Variants in FBLN5 observed in about 807,000 individuals in gnomAD.
The protein encoded by FBLN5 is fibulin 5.
Under a neutral mutation model 61.6 loss-of-function variants are expected in FBLN5, and 24 were observed. The observed-to-expected ratio is 0.39, with a 90% CI of 0.28 to 0.55. The LOEUF is 0.55. FBLN5 is among the 20% of genes least tolerant of loss of function. The pLI is 0.65. For synonymous variants in FBLN5, 213 were observed against 219.8 expected, an observed-to-expected ratio of 0.97 and a Z score of 0.27; for missense variants, 470 against 594.1, an observed-to-expected ratio of 0.79 and a Z score of 2.17.
intron 10 of FBLN5, among the ~76,000 whole-genome samples, chr14:91,871,001 C>A (rs143598317): frequency 6.6e-6 from 1 of 152,162 alleles, no homozygotes; most frequent in East Asian, 1.9e-4. Context: ...CCAGGGCCTG[C>A]TTCAGGGTGG....
chr14:91,898,900 C>G (rs1459555158), intron 4 of FBLN5, among the ~76,000 whole-genome samples: 1 of 146,564 alleles, frequency 6.8e-6, no homozygotes, highest in African/African-American at 2.5e-5. Flanking sequence ...CTCCCGGGTT[C>G]ACACCACTCT....
intron 4 of FBLN5, among the ~76,000 whole-genome samples, chr14:91,898,281 G>A (rs1341941967): frequency 3.3e-5 from 5 of 152,026 alleles, no homozygotes; most frequent in African/African-American, 1.2e-4. Context: ...CCCTGGTAAT[G>A]TTCAAGAACT....
intron 3 of FBLN5, chr14:91,938,347 T>C: frequency 5.9e-6 from 1 of 168,734 alleles, no homozygotes; most frequent in South Asian, 1.2e-4. Flanking sequence ...TCCAGCTACT[T>C]GGGAGGCTGA....
At chr14:91,888,528 G>T (rs923015186) in intron 6 of FBLN5, among the ~76,000 whole-genome samples, 1 of 150,112 alleles carries the variant, frequency 6.7e-6, no homozygotes, top group African/African-American at 2.5e-5. Context: ...GGAATCGCTT[G>T]AACCCCAGAG....
At chr14:91,907,328 C>G (rs1890723621) in intron 4 of FBLN5, among the ~76,000 whole-genome samples, 1 of 152,174 alleles carries the variant, frequency 6.6e-6, no homozygotes, top group Admixed American at 6.5e-5. Context: ...ACACATTGAG[C>G]CTCCCTACCA....
chr14:91,877,596 C>G lies in FBLN5; in HGVS notation c.1076G>C (p.Arg359Pro), dbSNP rs768049734. The change falls in exon 10 of 11, where the codon CGC (arginine) becomes CCC (proline). Residue 359 changes from arginine to proline, a missense_variant. Physicochemically the swap from Arg to Pro is moderately radical, Grantham distance 103 (BLOSUM62 -2). Coordinates refer to ENST00000342058, the MANE Select transcript of FBLN5 (RefSeq NM_006329.4). ...LYRDMDVVSG[R>P]SVPADIFQMQ... ...TTGGAAGATGTCAGCGGGAACGGAG[C>G]GTCCTGACACCACGTCCATGTCCCG... 3.7e-6 allele frequency: 6 copies of G among 1,613,836 alleles called. No individual in the cohort carries two copies. Among genetic ancestry groups the G allele is most frequent in the Non-Finnish European group, 5.1e-6 (6 of 1,179,888 alleles).
At chr14:91,926,983 T>C (rs2055840675) in intron 4 of FBLN5, among the ~76,000 whole-genome samples, 1 of 152,196 alleles carries the variant, frequency 6.6e-6, no homozygotes, top group Non-Finnish European at 1.5e-5. Context: ...CCCACGTCTG[T>C]GTGAATCTAA....
intron 9 of FBLN5, among the ~76,000 whole-genome samples, chr14:91,879,665 G>A (rs1455259574): frequency 6.6e-6 from 1 of 152,178 alleles, no homozygotes; most frequent in African/African-American, 2.4e-5. Context: ...TTACGTCGGG[G>A]GTCAAAGAGC....
At chr14:91,935,480 C>T (rs531778382) in intron 4 of FBLN5, among the ~76,000 whole-genome samples, 9 of 152,326 alleles carry the variant, frequency 5.9e-5, no homozygotes, top group East Asian at 1.9e-4. Context: ...CCAGCCCCCA[C>T]GTGACATCCT....
intron 1 of FBLN5, chr14:91,946,907 A>T: frequency 6.8e-7 from 1 of 1,463,170 alleles, no homozygotes; most frequent in Non-Finnish European, 9.0e-7. Context: ...AAAATCCCTT[A>T]AAACGACAAA....
At chr14:91,932,578 C>T (rs2055942925) in intron 4 of FBLN5, among the ~76,000 whole-genome samples, 8 of 152,198 alleles carry the variant, frequency 5.3e-5, no homozygotes, top group Admixed American at 5.2e-4. Flanking sequence ...GACTGTCTTA[C>T]ACTTTGAGAA....
At chr14:91,907,056 C>A (rs1890714028) in intron 4 of FBLN5, among the ~76,000 whole-genome samples, 1 of 152,180 alleles carries the variant, frequency 6.6e-6, no homozygotes, top group Non-Finnish European at 1.5e-5. Context: ...TAGAAGGATC[C>A]TGCAGCAGAG....
intron 6 of FBLN5, among the ~76,000 whole-genome samples, chr14:91,890,182 C>T (rs1441832421): frequency 6.6e-6 from 1 of 152,186 alleles, no homozygotes; most frequent in Non-Finnish European, 1.5e-5. Flanking sequence ...GCAGAACAAG[C>T]TTTGGAGGAG....
At chr14:91,883,645 T>TAAAAAAAAAAAAAAAAAAAAAAA (rs765183580) in intron 7 of FBLN5, among the ~76,000 whole-genome samples, 1 of 80,058 alleles carries the variant, frequency 1.2e-5, no homozygotes, top group Non-Finnish European at 2.4e-5. Context: ...CTTCACTGTG[T>TAAAAAAAAAAAAAAAAAAAAAAA]AAAAAAAAAA....
At position 91,947,231 on chromosome 14, in the gene FBLN5, T is replaced by A. The variant is rs745461734; in HGVS notation, c.-2A>T. On this transcript the variant is annotated 5_prime_UTR_variant, in exon 1 of 11. Coordinates refer to ENST00000342058, the MANE Select transcript of FBLN5 (RefSeq NM_006329.4). The surrounding 1 kb of genome is among the most constrained non-coding windows in gnomAD (Gnocchi z 4.3). Reference sequence around the variant, plus strand: ...AACCCACCTTTTTATTCCTGGCATGTCCAAGACGCGCGAGGAGGAGATGCG... The same window carrying A: ...AACCCACCTTTTTATTCCTGGCATGACCAAGACGCGCGAGGAGGAGATGCG... 6.1e-5 allele frequency: 98 copies of A among 1,614,034 alleles called. No homozygotes were observed. In the Admixed American group the frequency reaches 1.6e-3, roughly 27 times the overall value.
intron 4 of FBLN5, among the ~76,000 whole-genome samples, chr14:91,930,491 C>A (rs908176729): frequency 6.6e-6 from 1 of 152,182 alleles, no homozygotes; most frequent in African/African-American, 2.4e-5. Context: ...TGCGTAGTCC[C>A]AATGCCCTCA....
chr14:91,898,962 C>T lies in FBLN5; in HGVS notation c.380-3890G>A, dbSNP rs925679872. Among the ~76,000 whole-genome samples the T allele has an allele frequency of 7.9e-5, 12 of 151,988 alleles. No homozygotes were observed. In the East Asian group the frequency reaches 1.9e-3, roughly 25 times the overall value. On this transcript the variant is annotated intron_variant, in intron 4 of 10. Coordinates refer to ENST00000342058, the MANE Select transcript of FBLN5 (RefSeq NM_006329.4). ...GACTACAGGTGCCCACCACCACGCC[C>T]GGCTAATTTTTTTGTATTTTTAGTA...
intron 4 of FBLN5, among the ~76,000 whole-genome samples, chr14:91,918,402 G>C (rs1344691357): frequency 2.0e-5 from 3 of 152,162 alleles, no homozygotes; most frequent in African/African-American, 7.2e-5. Context: ...AGAAGGTCAG[G>C]GGACTGGGGG....
intron 4 of FBLN5, among the ~76,000 whole-genome samples, chr14:91,905,830 G>A (rs1890661826): frequency 6.6e-6 from 1 of 151,754 alleles, no homozygotes; most frequent in African/African-American, 2.4e-5. Context: ...TGCCCGCCTC[G>A]ACCTCCCAAA....
Sources: allele counts gnomAD v4.1 joint callset (sites outside exome capture counted in the v4.1 genomes callset), GRCh38; gene constraint gnomAD v4.1.1; non-coding constraint Gnocchi (gnomAD v3.1); transcripts MANE v1.5; gene names NCBI Gene and HGNC (gene_info 2026-07-23, HGNC 2026-07-21).